Variants in ROBO2 observed in about 807,000 individuals in gnomAD.
ROBO2 encodes the protein roundabout guidance receptor 2, also known as roundabout homolog 2.
ROBO2 carries 53 observed loss-of-function variants against 160.8 expected under a neutral mutation model. That is an observed-to-expected ratio of 0.33 (90% CI 0.26 to 0.41). The LOEUF (loss-of-function observed/expected upper bound fraction) is 0.41. Ranked by LOEUF, ROBO2 falls within the 10% of genes least tolerant of loss-of-function variation. The probability of loss-of-function intolerance (pLI) is 1.00; values close to 1 mark genes in which losing one functional copy is unlikely to be tolerated. For missense variants in ROBO2, 1,577 were observed against 1,722.4 expected (o/e 0.92, Z 1.49); for synonymous variants, 664 against 611.7 (o/e 1.09, Z -1.26).
intron 2 of ROBO2, among the ~76,000 whole-genome samples, chr3:76,415,127 C>A (rs2075699971): frequency 6.6e-6 from 1 of 152,090 alleles, no homozygotes; most frequent in African/African-American, 2.4e-5. Flanking sequence ...TAAAAAGTAA[C>A]CAGAATCTCC....
intron 16 of ROBO2, among the ~76,000 whole-genome samples, chr3:77,584,407 A>G (rs1583103556): frequency 6.6e-6 from 1 of 152,312 alleles, no homozygotes; most frequent in East Asian, 1.9e-4. Flanking sequence ...AAAAATAAAC[A>G]AATAAGAAAT....
intron 5 of ROBO2, among the ~76,000 whole-genome samples, chr3:77,494,529 G>A (rs2153601513): frequency 6.6e-6 from 1 of 152,290 alleles, no homozygotes; most frequent in African/African-American, 2.4e-5. Context: ...AGTGAGTCAA[G>A]ATCGTGCCAC....
chr3:76,452,563 C>T (rs1444598854), intron 2 of ROBO2, among the ~76,000 whole-genome samples: 1 of 152,100 alleles, frequency 6.6e-6, no homozygotes, highest in Non-Finnish European at 1.5e-5. Context: ...TTTTCTTAAT[C>T]CAGTCTATCA....
rs377101698 is a variant in ROBO2 at position 76,528,467 on chromosome 3, A to G, written c.110-569547A>G. ...GACGATTAAATGTGATGTCTGAGAGAAACAGGAATCAAGGATGTCTCCAAG... is the reference window on the plus strand; with the variant it reads ...GACGATTAAATGTGATGTCTGAGAGGAACAGGAATCAAGGATGTCTCCAAG... On this transcript the variant is annotated intron_variant, in intron 2 of 26. Coordinates refer to the ROBO2 transcript ENST00000487694. Among the ~76,000 whole-genome samples, 44 of 152,242 alleles carry G rather than the reference A, an allele frequency of 2.9e-4. 2 individuals are homozygous for G. The highest frequency in any genetic ancestry group is 2.7e-3 in the South Asian group (13 of 4,826).
rs149372047 is a variant in ROBO2 at position 76,136,361 on chromosome 3, A to C, written c.109+198759A>C. ...GTCTAAACAGTTTTTATTGACAAAA[A>C]ATGACTTAAAATGAACAGTGTTCAG... On this transcript the variant is annotated intron_variant, in intron 2 of 26. Transcript: ENST00000487694. Among the ~76,000 whole-genome samples the C allele has an allele frequency of 9.9e-5, 15 of 152,042 alleles. No homozygotes were observed. The East Asian group carries it at 2.7e-3, about 27-fold the overall frequency.
In ROBO2 at chr3:77,586,376, C is replaced by A. The variant is rs918065313; in HGVS notation, c.2501-2375C>A. Among the ~76,000 whole-genome samples the A allele has an allele frequency of 3.2e-4, 48 of 152,136 alleles. 1 individual carries two copies. Among genetic ancestry groups the A allele is most frequent in the Non-Finnish European group, 6.3e-4 (43 of 68,000 alleles). ...TAGTTGGTTATAATATGTGGAACAG[C>A]TGCAAACTTTCACGGTAATAGGTAC... On this transcript the variant is annotated intron_variant, in intron 16 of 25. Transcript: ENST00000461745.
At chr3:76,812,363 A>C (rs1170406341) in intron 2 of ROBO2, among the ~76,000 whole-genome samples, 1 of 150,166 alleles carries the variant, frequency 6.7e-6, no homozygotes, top group Non-Finnish European at 1.5e-5. Context: ...AAAAAAAAAA[A>C]CGTGTTTGAA....
intron 2 of ROBO2, among the ~76,000 whole-genome samples, chr3:77,216,003 T>C (rs2084892247): frequency 6.6e-6 from 1 of 152,124 alleles, no homozygotes; most frequent in African/African-American, 2.4e-5. Flanking sequence ...GGGGGGTGCC[T>C]CCCAGTTAGG....
chr3:76,911,237 G>C (rs944116307), intron 2 of ROBO2, among the ~76,000 whole-genome samples: 2 of 152,084 alleles, frequency 1.3e-5, no homozygotes, highest in Non-Finnish European at 2.9e-5. Context: ...TATTGTATTT[G>C]TTGCTAAGCA....
intron 2 of ROBO2, among the ~76,000 whole-genome samples, chr3:76,563,883 A>C (rs867512235): frequency 3.9e-5 from 6 of 152,378 alleles, no homozygotes; most frequent in South Asian, 4.1e-4. Flanking sequence ...TTTGAAGTCC[A>C]GGTCATAAAC....
At position 77,410,555 on chromosome 3, in the gene ROBO2, T is replaced by TCC. The variant is rs2076639370; in HGVS notation, c.389-66859_389-66858insCC. Among the ~76,000 whole-genome samples the TCC allele has an allele frequency of 5.9e-4, 25 of 42,274 alleles. 1 individual carries two copies. Among genetic ancestry groups the TCC allele is most frequent in the South Asian group, 4.1e-3 (3 of 736 alleles). The allele number at this position is 42,274 out of a possible 152,430, so 27.7% of individuals were successfully genotyped here. On this transcript the variant is annotated intron_variant, in intron 2 of 25. Coordinates refer to ENST00000461745, the Ensembl canonical transcript of ROBO2. ...CCTCCTCCTCTTCTTCCTCCTCTTC[T>TCC]TCCTCCTCTTCTTCCTCCTCCTCTT...
intron 2 of ROBO2, among the ~76,000 whole-genome samples, chr3:76,422,606 C>T (rs555210874): frequency 6.4e-4 from 97 of 152,196 alleles, no homozygotes; most frequent in Admixed American, 2.1e-3. Flanking sequence ...AGAGTTGTTT[C>T]GTCTAACTTA....
intron 1 of ROBO2, among the ~76,000 whole-genome samples, chr3:77,053,735 G>A (rs987929377): frequency 4.6e-4 from 70 of 152,212 alleles, no homozygotes; most frequent in African/African-American, 1.6e-3. Context: ...AAATATTAGT[G>A]GAGTAAAAAC....
chr3:77,455,964 ATTTCCC>A (rs1295117559), intron 2 of ROBO2, among the ~76,000 whole-genome samples: 1 of 152,062 alleles, frequency 6.6e-6, no homozygotes, highest in Non-Finnish European at 1.5e-5. Context: ...GCAAATGTTT[ATTTCCC>A]TTTCTCTTAT....
intron 2 of ROBO2, among the ~76,000 whole-genome samples, chr3:75,998,846 ATCT>A (rs2065802456): frequency 2.0e-5 from 3 of 152,214 alleles, no homozygotes; most frequent in Admixed American, 6.5e-5. Context: ...TCTTAGCCTC[ATCT>A]TCTTCATTTG....
intron 2 of ROBO2, among the ~76,000 whole-genome samples, chr3:77,423,761 T>C (rs1225230659): frequency 2.0e-5 from 3 of 152,188 alleles, no homozygotes; most frequent in African/African-American, 7.2e-5. Context: ...TTTTATCATA[T>C]GTGATTTCAT....
chr3:76,768,050 A>C (rs111675166), intron 2 of ROBO2, among the ~76,000 whole-genome samples: 3,224 of 151,652 alleles, frequency 0.021, 112 homozygotes, highest in African/African-American at 0.073. Flanking sequence ...TACAATAGGC[A>C]TTGATAACTT....
At chr3:75,930,969 C>A (rs1312201778) in intron 1 of ROBO2, among the ~76,000 whole-genome samples, 7 of 152,184 alleles carry the variant, frequency 4.6e-5, no homozygotes, top group African/African-American at 1.7e-4. Context: ...AAAGTGATCT[C>A]TTAACGTGTC....
chr3:77,294,296 G>GCTGAGGCTAGATCACCAAAGACATAAAA (rs2061731029), intron 2 of ROBO2, among the ~76,000 whole-genome samples: 1 of 99,520 alleles, frequency 1.0e-5, no homozygotes. Flanking sequence ...AAGACATAAA[G>GCTGAGGCTAGATCACCAAAGACATAAAA]TAAAATTGAC....
Sources: gnomAD v4.1 joint callset for allele counts (sites outside exome capture counted in the v4.1 genomes callset) on GRCh38, gnomAD v4.1.1 for gene constraint, MANE v1.5 for transcripts, NCBI Gene and HGNC (gene_info 2026-07-23, HGNC 2026-07-21) for gene names.